ZNF599: variants seen among roughly 807,000 people sequenced by gnomAD.
The protein encoded by ZNF599 is zinc finger protein 599.
ZNF599 carries 10 observed loss-of-function variants against 11.7 expected under a neutral mutation model. The observed-to-expected ratio is 0.86, with a 90% confidence interval of 0.53 to 1.45. ZNF599 has a LOEUF of 1.45. ZNF599 is among the 40% of genes most tolerant of loss of function. ZNF599 has a pLI of 0.00. For missense variants in ZNF599, 688 were observed against 713.6 expected (o/e 0.96, Z 0.41); for synonymous variants, 232 against 253.2 (o/e 0.92, Z 0.79).
chr19:34,762,989 C>T (rs943095663), intron 3 of ZNF599: 1 of 151,996 alleles, frequency 6.6e-6, no homozygotes, highest in Non-Finnish European at 1.5e-5. Context: ...TTACATTACT[C>T]AAATTACCAA....
At chr19:34,803,112 A>G in the ZNF599 span, among the ~76,000 whole-genome samples, 1 of 152,194 alleles carries the variant, frequency 6.6e-6, no homozygotes, top group Admixed American at 6.5e-5. Flanking sequence ...AAGTGGGCTT[A>G]TAAAGGCTGA....
At chr19:34,800,586 GTT>G in the ZNF599 span, among the ~76,000 whole-genome samples, 2,215 of 112,890 alleles carry the variant, frequency 0.02, 15 homozygotes, top group African/African-American at 0.045. Context: ...CATTTCCTTT[GTT>G]TTTTTTTTTT....
upstream of ZNF599, among the ~76,000 whole-genome samples, chr19:34,777,351 AT>A (rs1476503042): frequency 1.1e-5 from 1 of 93,920 alleles, no homozygotes; most frequent in African/African-American, 4.3e-5. Context: ...TATATTATAT[AT>A]TATATATTAA....
chr19:34,767,287 T>C, intron 3 of ZNF599, 29 bp downstream of exon 3: 5 of 1,589,236 alleles, frequency 3.1e-6, no homozygotes, highest in East Asian at 2.2e-5. Flanking sequence ...GCTGCCCTGA[T>C]ACCCGCTGCC....
intron 3 of ZNF599, chr19:34,765,320 A>T (rs2069135937): frequency 4.1e-6 from 2 of 488,946 alleles, no homozygotes; most frequent in African/African-American, 3.8e-5. Flanking sequence ...AAATATATGT[A>T]ATTTTATAAG....
the ZNF599 span, among the ~76,000 whole-genome samples, chr19:34,791,433 G>A: frequency 6.6e-6 from 1 of 152,092 alleles, no homozygotes; most frequent in Admixed American, 6.6e-5. Context: ...GATCTTGAAT[G>A]AGGAAAAGAA....
the ZNF599 span, among the ~76,000 whole-genome samples, chr19:34,778,969 T>G: frequency 1.3e-5 from 2 of 152,224 alleles, no homozygotes; most frequent in Non-Finnish European, 2.9e-5. Context: ...AAATGTAAGA[T>G]ACTACTTGGC....
At chr19:34,794,779 C>A in the ZNF599 span, among the ~76,000 whole-genome samples, 2 of 152,014 alleles carry the variant, frequency 1.3e-5, no homozygotes, top group African/African-American at 2.4e-5. Context: ...CCATGTTGGC[C>A]AGGTTGGTCT....
chr19:34,767,486 C>T (rs1323455764), intron 2 of ZNF599, 75 bp from the exon 3 acceptor site: 7 of 1,178,176 alleles, frequency 5.9e-6, no homozygotes, highest in Non-Finnish European at 8.7e-6. Flanking sequence ...TAAAGGAGTA[C>T]ATATATTTAA....
chr19:34,801,017 A>C, the ZNF599 span, among the ~76,000 whole-genome samples: 1 of 152,104 alleles, frequency 6.6e-6, no homozygotes, highest in Non-Finnish European at 1.5e-5. Flanking sequence ...ATTTTGACCC[A>C]ATGTGTTTTT....
intron 1 of ZNF599, among the ~76,000 whole-genome samples, chr19:34,771,097 A>G (rs1242319334): frequency 6.6e-6 from 1 of 152,154 alleles, no homozygotes; most frequent in Non-Finnish European, 1.5e-5. Flanking sequence ...CAACACAGTG[A>G]GCCCATCTCT....
chr19:34,770,867 AC>A (rs796984482), intron 1 of ZNF599, among the ~76,000 whole-genome samples: 4 of 152,164 alleles, frequency 2.6e-5, no homozygotes, highest in African/African-American at 9.6e-5. Flanking sequence ...TTCCCCAAAG[AC>A]CCCTTCATTC....
the ZNF599 span, chr19:34,788,574 T>C: frequency 7.2e-5 from 11 of 152,164 alleles, no homozygotes. Context: ...CTGCATAAAA[T>C]GAAATTCTTA....
At chr19:34,807,445 G>A in the ZNF599 span, among the ~76,000 whole-genome samples, 8 of 152,296 alleles carry the variant, frequency 5.3e-5, no homozygotes, top group African/African-American at 1.7e-4. Context: ...TGGCACCCTA[G>A]CCTAGCGTCA....
At chr19:34,783,808 T>C in the ZNF599 span, among the ~76,000 whole-genome samples, 5 of 152,104 alleles carry the variant, frequency 3.3e-5, no homozygotes, top group African/African-American at 1.2e-4. Context: ...GGGCCAGTCA[T>C]TAACTTCCTT....
At chr19:34,776,342 A>G (rs996124077), upstream of ZNF599, among the ~76,000 whole-genome samples, 1 of 152,246 alleles carries the variant, frequency 6.6e-6, no homozygotes, top group Non-Finnish European at 1.5e-5. Flanking sequence ...TTTTATTTAC[A>G]CATATTCACT....
At chr19:34,787,209 C>T in the ZNF599 span, among the ~76,000 whole-genome samples, 5 of 144,094 alleles carry the variant, frequency 3.5e-5, no homozygotes, top group South Asian at 2.3e-4. Context: ...AAATGCATTA[C>T]GGCTATTTTT....
At chr19:34,774,004 C>G (rs1207109956), upstream of ZNF599, among the ~76,000 whole-genome samples, 3 of 152,194 alleles carry the variant, frequency 2.0e-5, no homozygotes, top group African/African-American at 4.8e-5. Context: ...TTGACTGATT[C>G]AACAGGAGCC....
intron 1 of ZNF599, among the ~76,000 whole-genome samples, chr19:34,770,117 T>G (rs916310084): frequency 1.3e-5 from 2 of 152,260 alleles, no homozygotes; most frequent in Non-Finnish European, 2.9e-5. Flanking sequence ...TGAGAAAATG[T>G]TCATAAAGCA....
Sources: gnomAD v4.1 joint callset for allele counts (sites outside exome capture counted in the v4.1 genomes callset) on GRCh38, gnomAD v4.1.1 for gene constraint, MANE v1.5 for transcripts, NCBI Gene and HGNC (gene_info 2026-07-23, HGNC 2026-07-21) for gene names.